CSMD1: variants seen among roughly 807,000 people sequenced by gnomAD.
The protein encoded by CSMD1 is CUB and Sushi multiple domains 1.
A neutral mutation model predicts 417.5 loss-of-function variants in CSMD1; 213 were observed. That is an observed-to-expected ratio of 0.51 (90% CI 0.46 to 0.57). CSMD1 has a LOEUF of 0.57. Among genes scored for constraint, CSMD1 ranks in the 20% least tolerant of loss-of-function variants. The pLI, the probability that CSMD1 is intolerant of heterozygous loss-of-function variation, is 0.00. For missense variants in CSMD1, 6,923 were observed against 4,529.7 expected (o/e 1.53, Z -15.17); for synonymous variants, 2,862 against 1,736.8 (o/e 1.65, Z -16.11).
intron 3 of CSMD1, among the ~76,000 whole-genome samples, chr8:4,419,007 A>T (rs984738249): frequency 6.6e-5 from 10 of 152,300 alleles, no homozygotes; most frequent in South Asian, 2.1e-4. Context: ...ATTTCACTAC[A>T]GCCACCCATT....
chr8:2,953,805 T>C (rs547900216), intron 65 of CSMD1, among the ~76,000 whole-genome samples: 3 of 152,330 alleles, frequency 2.0e-5, no homozygotes, highest in Admixed American at 1.3e-4. Flanking sequence ...AAAATTGGGC[T>C]CCATGTCTGA....
rs1223109700 is a variant in CSMD1 at position 4,637,518 on chromosome 8, A to G, written c.126T>C (p.Thr42=). 3 of 1,613,910 alleles carry G rather than the reference A, an allele frequency of 1.9e-6. No individual in the cohort carries two copies. The East Asian group carries it at 6.7e-5, about 36-fold the overall frequency. ...CGTGAGGAAACCCTGGGCTCTCAAT[A>G]GTGCCATTGGGACCCTGGACTAAGC... ...CGGLVQGPNG[T]IESPGFPHGY... The change falls in exon 2 of 70, where the codon ACT becomes ACC. Residue 42 remains threonine (T), a synonymous_variant. Transcript: ENST00000635120.
intron 1 of CSMD1, among the ~76,000 whole-genome samples, chr8:4,714,150 GA>G (rs200158498): frequency 2.0e-5 from 3 of 149,108 alleles, no homozygotes; most frequent in Non-Finnish European, 3.0e-5. Context: ...GTCTCAAAAA[GA>G]AAAAAAAAAG....
At chr8:2,989,509 T>A (rs1806197732) in intron 54 of CSMD1, among the ~76,000 whole-genome samples, 1 of 152,224 alleles carries the variant, frequency 6.6e-6, no homozygotes. Context: ...AAGCAGTTTT[T>A]AAAATTAAGT....
chr8:4,151,212 T>C (rs1016077938), intron 3 of CSMD1, among the ~76,000 whole-genome samples: 1 of 152,188 alleles, frequency 6.6e-6, no homozygotes, highest in Non-Finnish European at 1.5e-5. Flanking sequence ...CCTCTTCTTG[T>C]AATATCAAGT....
At chr8:4,736,209 G>T (rs1389475922) in intron 1 of CSMD1, among the ~76,000 whole-genome samples, 1 of 152,138 alleles carries the variant, frequency 6.6e-6, no homozygotes, top group Non-Finnish European at 1.5e-5. Context: ...GTGCAGGACA[G>T]GGAAAAATGC....
chr8:3,561,176 A>G (rs1799452198), intron 10 of CSMD1, among the ~76,000 whole-genome samples: 1 of 152,198 alleles, frequency 6.6e-6, no homozygotes, highest in African/African-American at 2.4e-5. Context: ...GAAAGCAAAT[A>G]CTATTGGTAG....
chr8:4,783,768 G>A (rs1230707869), intron 1 of CSMD1, among the ~76,000 whole-genome samples: 1 of 152,160 alleles, frequency 6.6e-6, no homozygotes, highest in African/African-American at 2.4e-5. Flanking sequence ...CATCCAGCTG[G>A]TGATGCCTCA....
At chr8:3,267,156 T>C (rs1211865432) in intron 26 of CSMD1, among the ~76,000 whole-genome samples, 1 of 152,084 alleles carries the variant, frequency 6.6e-6, no homozygotes, top group East Asian at 1.9e-4. Flanking sequence ...AGCGGGAATG[T>C]CTGCTGGAGG....
chr8:3,280,158 T>C (rs1410710729), intron 26 of CSMD1, among the ~76,000 whole-genome samples: 1 of 152,072 alleles, frequency 6.6e-6, no homozygotes, highest in East Asian at 1.9e-4. Context: ...GGCTTCTTAT[T>C]GGAATAACCC....
chr8:4,743,792 A>G (rs1810776797), intron 1 of CSMD1, among the ~76,000 whole-genome samples: 1 of 152,182 alleles, frequency 6.6e-6, no homozygotes, highest in South Asian at 2.1e-4. Context: ...GAGGCCTTCG[A>G]TACCCTCAGG....
rs1039762742 is a variant in CSMD1, at chr8:2,974,481, G to A, written c.8710C>T (p.His2904Tyr). The A allele has an allele frequency of 3.7e-6, 6 of 1,612,086 alleles. No homozygotes were observed. In the African/African-American group the frequency reaches 8.0e-5, roughly 22 times the overall value. Residue 2904 changes from histidine (H) to tyrosine (Y), a missense_variant, in exon 56 of 70, where the codon CAC becomes TAC. Physicochemically the swap from His to Tyr is moderately conservative, Grantham distance 83. Transcript: ENST00000635120. ...NDTRVCQEDS[H>Y]WSGALPHCTG... Reference sequence around the variant, plus strand: ...CAGTGGGGCAGTGCCCCGCTCCAGTGACTGTCTTCCTGGCACACTCTCGTG... The same window carrying A: ...CAGTGGGGCAGTGCCCCGCTCCAGTAACTGTCTTCCTGGCACACTCTCGTG...
intron 23 of CSMD1, among the ~76,000 whole-genome samples, chr8:3,310,599 A>C (rs1247797688): frequency 6.6e-6 from 1 of 152,238 alleles, no homozygotes; most frequent in Non-Finnish European, 1.5e-5. Flanking sequence ...ACCATTAGGC[A>C]CACAAAATCG....
chr8:4,236,227 C>T (rs1000981014), intron 3 of CSMD1, among the ~76,000 whole-genome samples: 2 of 151,940 alleles, frequency 1.3e-5, no homozygotes, highest in Non-Finnish European at 2.9e-5. Flanking sequence ...ATCTATAATC[C>T]ATCGCATCAC....
chr8:4,400,323 G>A (rs555659607), intron 3 of CSMD1, among the ~76,000 whole-genome samples: 1 of 152,178 alleles, frequency 6.6e-6, no homozygotes, highest in South Asian at 2.1e-4. Context: ...GGTCCCATAG[G>A]AAACTGTTTT....
intron 3 of CSMD1, among the ~76,000 whole-genome samples, chr8:4,161,396 G>A (rs186758156): frequency 3.8e-4 from 58 of 152,350 alleles, no homozygotes; most frequent in Admixed American, 1.5e-3. Flanking sequence ...AGGAATCTTA[G>A]AGGTAAACTT....
At chr8:3,242,348 C>T (rs35309377) in intron 26 of CSMD1, among the ~76,000 whole-genome samples, 113,932 of 149,416 alleles carry the variant, frequency 0.76, 43,965 homozygotes, top group Non-Finnish European at 0.83. Context: ...GACTCAGCGA[C>T]GCTTGGGGTT....
chr8:4,591,766 A>T (rs1314421648), intron 2 of CSMD1, among the ~76,000 whole-genome samples: 6 of 152,150 alleles, frequency 3.9e-5, no homozygotes, highest in Non-Finnish European at 7.4e-5. Context: ...TGTTTTGGAA[A>T]TACTTAGCGT....
At chr8:4,253,311 T>C (rs1400479938) in intron 3 of CSMD1, among the ~76,000 whole-genome samples, 1 of 152,204 alleles carries the variant, frequency 6.6e-6, no homozygotes, top group Non-Finnish European at 1.5e-5. Context: ...TATTCATGTT[T>C]TGTCTCTTTT....
Sources: gnomAD v4.1 joint callset for allele counts (sites outside exome capture counted in the v4.1 genomes callset) on GRCh38, gnomAD v4.1.1 for gene constraint, MANE v1.5 for transcripts, NCBI Gene and HGNC (gene_info 2026-07-23, HGNC 2026-07-21) for gene names.